The following ST6GALNAC2 variants were observed in gnomAD, a reference collection of about 807,000 sequenced individuals.
ST6GALNAC2 encodes the protein ST6 N-acetylgalactosaminide alpha-2,6-sialyltransferase 2, also known as alpha-N-acetylgalactosaminide alpha-2,6-sialyltransferase 2.
A neutral mutation model predicts 38.7 loss-of-function variants in ST6GALNAC2; 42 were observed. The observed-to-expected ratio is 1.09, with a 90% CI of 0.85 to 1.40. The LOEUF is 1.40. Ranked by LOEUF, ST6GALNAC2 falls within the 40% of genes most tolerant of loss-of-function variation. The pLI is 0.00. For synonymous variants in ST6GALNAC2, 233 were observed against 209.0 expected, an observed-to-expected ratio of 1.11 and a Z score of -0.99; for missense variants, 506 against 481.7, an observed-to-expected ratio of 1.05 and a Z score of -0.47.
rs2075268090 is a variant in ST6GALNAC2, at chr17:76,565,530, C to T, written c.*574G>A. On this transcript the variant is annotated 3_prime_UTR_variant, in exon 9 of 9. Transcript: ENST00000225276. ...CCTCCCAGTGTTCTGAGAGTCATCT[C>T]CATGCTAAACAGCCTGCGTTTTATA... 1 of 152,014 alleles carries T rather than the reference C, an allele frequency of 6.6e-6. No homozygotes were observed. The highest frequency in any genetic ancestry group is 2.4e-5 in the African/African-American group (1 of 41,278). The allele number at this position is 152,014 out of a possible 1,614,324, so 9.4% of individuals were successfully genotyped here.
chr17:76,574,621 G>A (rs957084308), intron 2 of ST6GALNAC2, 82 bp from the exon 3 acceptor site: 26 of 1,267,026 alleles, frequency 2.1e-5, no homozygotes, highest in Non-Finnish European at 2.5e-5. Context: ...CAGGGGAGTT[G>A]CGAGTTGTGA....
At chr17:76,568,593 A>C in intron 7 of ST6GALNAC2, 120 bp downstream of exon 7, 8 of 877,466 alleles carry the variant, frequency 9.1e-6, no homozygotes, top group Non-Finnish European at 1.5e-5. Context: ...CACTCGGGAC[A>C]GTGGAGCTCT....
intron 2 of ST6GALNAC2, 112 bp from the exon 3 acceptor site, chr17:76,574,651 C>T (rs942946526): frequency 2.3e-6 from 2 of 861,098 alleles, no homozygotes; most frequent in East Asian, 6.2e-5. Context: ...TGCCCTGTCC[C>T]CTCCAGATTG....
intron 2 of ST6GALNAC2, among the ~76,000 whole-genome samples, chr17:76,577,068 T>C (rs139130349): frequency 0.14 from 19,832 of 139,118 alleles, 1,498 homozygotes; most frequent in South Asian, 0.23. Context: ...TTTTTCTTTT[T>C]TTTTTTTTTT....
In ST6GALNAC2 at chr17:76,574,355, C is replaced by T. The variant is rs375652325; in HGVS notation, c.361+10G>A. 105 of 1,608,220 alleles carry T rather than the reference C, an allele frequency of 6.5e-5. 1 individual carries two copies. Among genetic ancestry groups the T allele is most frequent in the African/African-American group, 4.1e-4 (31 of 74,910 alleles). On this transcript the variant is annotated intron_variant, in intron 3 of 8. Coordinates refer to ENST00000225276, the MANE Select transcript of ST6GALNAC2 (RefSeq NM_006456.3). The stretch of plus-strand genomic sequence containing the variant: ...CAGAAGGCAGGTGAGAGACAGCGGG[C>T]GCGGGTTACCTTGGTGAGAGAGCCC...
chr17:76,566,082 C>A lies in ST6GALNAC2; in HGVS notation c.*22G>T. 31 of 1,598,120 alleles carry A rather than the reference C, an allele frequency of 1.9e-5. No individual in the cohort carries two copies. Among genetic ancestry groups the A allele is most frequent in the Non-Finnish European group, 2.6e-5 (31 of 1,172,140 alleles). On this transcript the variant is annotated 3_prime_UTR_variant, in exon 9 of 9. Coordinates refer to ENST00000225276, the MANE Select transcript of ST6GALNAC2 (RefSeq NM_006456.3). ...ATCAGGGCCGCAACTCTTGAAGAAG[C>A]AAAGGGCTCAGTGCATTGGGGTCAG...
At chr17:76,568,411 GCCAC>G in intron 7 of ST6GALNAC2, 1 of 421,036 alleles carries the variant, frequency 2.4e-6, no homozygotes, top group Non-Finnish European at 4.3e-6. Flanking sequence ...TGCTGACGGC[GCCAC>G]TGCTGCTGTG....
chr17:76,571,575 C>A (rs1409225474), intron 5 of ST6GALNAC2, among the ~76,000 whole-genome samples: 10 of 152,238 alleles, frequency 6.6e-5, no homozygotes, highest in Admixed American at 3.9e-4. Flanking sequence ...GCCTGGGTGA[C>A]AGAGTGAGAC....
chr17:76,574,928 G>A (rs539775106), intron 2 of ST6GALNAC2, among the ~76,000 whole-genome samples: 154 of 152,114 alleles, frequency 1.0e-3, no homozygotes, highest in African/African-American at 3.5e-3. Flanking sequence ...CACCCGCCTC[G>A]GCCTCCCAAA....
chr17:76,570,957 G>C, intron 5 of ST6GALNAC2: 1 of 356,128 alleles, frequency 2.8e-6, no homozygotes, highest in Non-Finnish European at 5.3e-6. Context: ...GTGTGGCTTA[G>C]AGACTAGGTC....
chr17:76,566,265 C>T lies in ST6GALNAC2; in HGVS notation c.964G>A (p.Ala322Thr). 1.2e-6 allele frequency: 2 copies of T among 1,614,044 alleles called. No homozygotes were observed. The highest frequency in any genetic ancestry group is 8.5e-7 in the Non-Finnish European group (1 of 1,179,980). ...TAGTTGCTTGTGATGAATCCATAGG[C>T]ACTGACCTGGGCAAGGATAGTCGCT... is the stretch of plus-strand genomic sequence containing the variant. ...TALHTCDQVS[A>T]YGFITSNYWK... Residue 322 changes from alanine to threonine, a missense_variant, in exon 9 of 9, where the codon GCC becomes ACC. Coordinates refer to ENST00000225276, the MANE Select transcript of ST6GALNAC2 (RefSeq NM_006456.3).
intron 1 of ST6GALNAC2, among the ~76,000 whole-genome samples, chr17:76,585,445 G>A (rs1196100513): frequency 1.3e-5 from 2 of 152,236 alleles, no homozygotes; most frequent in African/African-American, 2.4e-5. Flanking sequence ...AGTGCACAGG[G>A]GCGAGGTCTT....
At chr17:76,572,908 G>T in intron 4 of ST6GALNAC2, 133 bp from the exon 5 acceptor site, 1 of 1,155,994 alleles carries the variant, frequency 8.7e-7, no homozygotes, top group Non-Finnish European at 1.2e-6. Context: ...CAGTACCAGT[G>T]CCCAGTTGTC....
chr17:76,575,704 T>C (rs2143306763), intron 2 of ST6GALNAC2, among the ~76,000 whole-genome samples: 1 of 152,184 alleles, frequency 6.6e-6, no homozygotes, highest in East Asian at 1.9e-4. Flanking sequence ...ACCTCTGTAC[T>C]TGTGGGCCTT....
At chr17:76,578,689 T>C in intron 2 of ST6GALNAC2, 67 bp downstream of exon 2, 1 of 1,464,102 alleles carries the variant, frequency 6.8e-7, no homozygotes, top group South Asian at 1.2e-5. Context: ...TCTCGTTTGC[T>C]CTTCTTCCCT....
At position 76,584,449 on chromosome 17, in the gene ST6GALNAC2, T is replaced by C. The variant is rs527678667; in HGVS notation, c.125+1235A>G. On this transcript the variant is annotated intron_variant, in intron 1 of 8. Coordinates refer to ENST00000225276, the MANE Select transcript of ST6GALNAC2 (RefSeq NM_006456.3). ...ATTATTTCTTTGCATTGAGATACTT[T>C]GTGTTTTAAACATCTTTACATAAAA... is the stretch of plus-strand genomic sequence containing the variant. Among the ~76,000 whole-genome samples the C allele has an allele frequency of 5.9e-5, 9 of 152,330 alleles. No homozygotes were observed. The South Asian group carries it at 1.9e-3, about 32-fold the overall frequency.
At position 76,573,789 on chromosome 17, in the gene ST6GALNAC2, G is replaced by A. The variant is rs908939311; in HGVS notation, c.362-426C>T. Among the ~76,000 whole-genome samples the A allele has an allele frequency of 3.9e-5, 6 of 152,130 alleles. No homozygotes were observed. Among genetic ancestry groups the A allele is most frequent in the Non-Finnish European group, 7.3e-5 (5 of 68,030 alleles). ...TTAAAAATACAAAAATTAGCCAGGC[G>A]TGGTGGTGCGTGCCTAATCCCAGCT... On this transcript the variant is annotated intron_variant, in intron 3 of 8. Transcript: ENST00000225276. This position sits in a 1 kb window ranked among gnomAD's most constrained non-coding sequence, Gnocchi z 5.1.
chr17:76,577,148 C>T (rs1361902722), intron 2 of ST6GALNAC2, among the ~76,000 whole-genome samples: 1 of 149,444 alleles, frequency 6.7e-6, no homozygotes, highest in Non-Finnish European at 1.5e-5. Flanking sequence ...CTAACTGCAA[C>T]CTCCACCTCC....
At chr17:76,569,358 G>A in intron 6 of ST6GALNAC2, 1 of 394,268 alleles carries the variant, frequency 2.5e-6, no homozygotes, top group Non-Finnish European at 4.4e-6. Flanking sequence ...TTCGAGAGAG[G>A]GATTTGAAAC....
Sources: allele counts gnomAD v4.1 joint callset (sites outside exome capture counted in the v4.1 genomes callset), GRCh38; gene constraint gnomAD v4.1.1; non-coding constraint Gnocchi (gnomAD v3.1); transcripts MANE v1.5; gene names NCBI Gene and HGNC (gene_info 2026-07-23, HGNC 2026-07-21).